PCDHGB3: variants seen among roughly 807,000 people sequenced by gnomAD.
The protein encoded by PCDHGB3 is protocadherin gamma subfamily B, 3.
Under a neutral mutation model 59.2 loss-of-function variants are expected in PCDHGB3, and 40 were observed. The observed-to-expected ratio is 0.68, with a 90% CI of 0.52 to 0.88. The LOEUF is 0.88. PCDHGB3 is among the 40% of genes least tolerant of loss of function. The pLI is 0.00. For missense variants in PCDHGB3, 1,309 were observed against 1,187.9 expected, an observed-to-expected ratio of 1.10 and a Z score of -1.50; for synonymous variants, 581 against 503.6, an observed-to-expected ratio of 1.15 and a Z score of -2.06.
At chr5:141,509,650 T>C (rs1484029268) in intron 3 of PCDHGB3, among the ~76,000 whole-genome samples, 1 of 152,188 alleles carries the variant, frequency 6.6e-6, no homozygotes, top group African/African-American at 2.4e-5. Context: ...GGCCAGAGTG[T>C]GGACTTCTCT....
chr5:141,414,540 C>G, intron 1 of PCDHGB3: 1 of 1,613,948 alleles, frequency 6.2e-7, no homozygotes. Flanking sequence ...ACCCACCTAC[C>G]TTCTCTCAAG....
chr5:141,401,345 A>G (rs1233985725), intron 1 of PCDHGB3, among the ~76,000 whole-genome samples: 4 of 152,216 alleles, frequency 2.6e-5, no homozygotes, highest in Non-Finnish European at 4.4e-5. Context: ...TCCATCTCAA[A>G]AAAAAGGAAG....
intron 1 of PCDHGB3, chr5:141,415,519 A>T: frequency 1.9e-6 from 3 of 1,614,182 alleles, no homozygotes; most frequent in Non-Finnish European, 2.5e-6. Context: ...TTATGCGGAC[A>T]CGCTCATCAG....
At chr5:141,478,088 A>G (rs2099429877) in intron 1 of PCDHGB3, 2 of 1,613,944 alleles carry the variant, frequency 1.2e-6, no homozygotes, top group African/African-American at 1.3e-5. Context: ...TTCGCTCTCC[A>G]CCACTGCTAC....
chr5:141,436,220 T>C (rs1179034537), intron 1 of PCDHGB3, among the ~76,000 whole-genome samples: 2 of 152,096 alleles, frequency 1.3e-5, no homozygotes, highest in Non-Finnish European at 2.9e-5. Flanking sequence ...ACAAATGACT[T>C]GGGAAACTAA....
At position 141,491,613 on chromosome 5, in the gene PCDHGB3, A is replaced by AC; in HGVS notation, c.2416-3190dup. On this transcript the variant is annotated intron_variant, in intron 1 of 3. Coordinates refer to ENST00000576222, the MANE Select transcript of PCDHGB3 (RefSeq NM_018924.5). The surrounding 1 kb of genome is among the most constrained non-coding windows in gnomAD (Gnocchi z 6.9). Reference sequence around the variant, plus strand: ...ACGGCAGTGACTTCACTTTTCTAAGACCCCTCAGCGTTCAGCAGCCCACAG... The same window carrying AC: ...ACGGCAGTGACTTCACTTTTCTAAGACCCCCTCAGCGTTCAGCAGCCCACAG... 6.2e-7 allele frequency: 1 copy of AC among 1,613,568 alleles called. No homozygotes were observed. Among genetic ancestry groups the AC allele is most frequent in the Non-Finnish European group, 8.5e-7 (1 of 1,179,968 alleles).
intron 3 of PCDHGB3, among the ~76,000 whole-genome samples, chr5:141,507,777 CT>C (rs1213538221): frequency 6.6e-6 from 1 of 152,220 alleles, no homozygotes; most frequent in Admixed American, 6.5e-5. Context: ...CACACAGGGC[CT>C]GACCCTCGTC....
At chr5:141,394,910 C>T in intron 1 of PCDHGB3, 1 of 1,613,766 alleles carries the variant, frequency 6.2e-7, no homozygotes. Context: ...CAGTGGCTGC[C>T]ATCTCCTGTG....
At chr5:141,445,178 A>G (rs768321514) in intron 1 of PCDHGB3, among the ~76,000 whole-genome samples, 2 of 152,218 alleles carry the variant, frequency 1.3e-5, no homozygotes, top group Admixed American at 1.3e-4. Context: ...ATGAAAAACT[A>G]TGTTTTTATG....
At chr5:141,384,646 G>A (rs1780315410) in intron 1 of PCDHGB3, 2 of 1,614,230 alleles carry the variant, frequency 1.2e-6, no homozygotes, top group Non-Finnish European at 1.7e-6. Flanking sequence ...CCGCTCCGCA[G>A]AGCCCGGCTA....
intron 1 of PCDHGB3, chr5:141,410,140 G>C: frequency 6.2e-7 from 1 of 1,612,782 alleles, no homozygotes; most frequent in Non-Finnish European, 8.5e-7. Context: ...TGGTCGCTGT[G>C]CGTGACGGTG....
rs1414795207 is a variant in PCDHGB3 at position 141,393,033 on chromosome 5, C to T, written c.2415+20224C>T. On this transcript the variant is annotated intron_variant, in intron 1 of 3. Transcript: ENST00000576222. ...TATCGTCTCCAGAGGTAGGACGCAG[C>T]TCTTTGCTCTGAACCCGCGCAGCGG... is the stretch of plus-strand genomic sequence containing the variant. 4.3e-6 allele frequency: 7 copies of T among 1,613,782 alleles called. No individual in the cohort carries two copies. The highest frequency in any genetic ancestry group is 4.0e-5 in the African/African-American group (3 of 75,052).
intron 1 of PCDHGB3, chr5:141,400,205 C>CCACCACCA: frequency 6.2e-7 from 1 of 1,614,016 alleles, no homozygotes; most frequent in South Asian, 1.1e-5. Flanking sequence ...GTGGCCTTGG[C>CCACCACCA]CTTGATCTCA....
chr5:141,388,978 C>T, intron 1 of PCDHGB3: 1 of 1,613,972 alleles, frequency 6.2e-7, no homozygotes, highest in Non-Finnish European at 8.5e-7. Context: ...ACACATATTG[C>T]TTTGCTCAAA....
chr5:141,418,804 T>A, intron 1 of PCDHGB3: 2 of 1,613,836 alleles, frequency 1.2e-6, no homozygotes, highest in Non-Finnish European at 1.7e-6. Flanking sequence ...TAGAAAGATA[T>A]ACGATAAACA....
At chr5:141,419,946 T>C in intron 1 of PCDHGB3, 1 of 1,614,086 alleles carries the variant, frequency 6.2e-7, no homozygotes, top group Non-Finnish European at 8.5e-7. Context: ...GTGGTGGCCT[T>C]GGCCTTGATT....
intron 1 of PCDHGB3, among the ~76,000 whole-genome samples, chr5:141,448,169 A>C (rs1418273084): frequency 6.6e-6 from 1 of 152,014 alleles, no homozygotes; most frequent in Non-Finnish European, 1.5e-5. Flanking sequence ...GATCACTACT[A>C]TTCATCCCTG....
chr5:141,432,014 A>G lies in PCDHGB3; in HGVS notation c.2415+59205A>G, dbSNP rs778393699. The G allele has an allele frequency of 1.5e-5, 25 of 1,614,078 alleles. No individual in the cohort carries two copies. The highest frequency in any genetic ancestry group is 2.0e-5 in the Non-Finnish European group (24 of 1,180,036). ...GGATAGGGAACAGGTTCCTAGCTAC[A>G]ACATCACAGTGACCGCCACTGACCG... On this transcript the variant is annotated intron_variant, in intron 1 of 3. Coordinates refer to ENST00000576222, the MANE Select transcript of PCDHGB3 (RefSeq NM_018924.5). This position sits in a 1 kb window ranked among gnomAD's most constrained non-coding sequence, Gnocchi z 6.0.
At chr5:141,383,115 G>A (rs1588935536) in intron 1 of PCDHGB3, 4 of 1,614,078 alleles carry the variant, frequency 2.5e-6, no homozygotes, top group Non-Finnish European at 2.5e-6. Context: ...GAGGTAGGAC[G>A]CAGCTTTTCG....
Sources: allele counts gnomAD v4.1 joint callset (sites outside exome capture counted in the v4.1 genomes callset), GRCh38; gene constraint gnomAD v4.1.1; non-coding constraint Gnocchi (gnomAD v3.1); transcripts MANE v1.5; gene names NCBI Gene and HGNC (gene_info 2026-07-23, HGNC 2026-07-21).